Variants in GRM7 observed in about 807,000 individuals in gnomAD.
GRM7 encodes glutamate metabotropic receptor 7, also known as metabotropic glutamate receptor 7.
GRM7 carries 35 observed loss-of-function variants against 84.5 expected under a neutral mutation model. That is an observed-to-expected ratio of 0.41 (90% CI 0.32 to 0.55). GRM7 has a LOEUF of 0.55. GRM7 is among the 20% of genes least tolerant of loss of function. The pLI is 0.19. For synonymous variants in GRM7, 487 were observed against 455.1 expected (o/e 1.07, Z -0.89); for missense variants, 1,003 against 1,194.6 (o/e 0.84, Z 2.36).
At chr3:6,976,325 T>A (rs1693994647) in intron 1 of GRM7, among the ~76,000 whole-genome samples, 1 of 152,214 alleles carries the variant, frequency 6.6e-6, no homozygotes, top group African/African-American at 2.4e-5. Context: ...TCTGCAAGAT[T>A]CCAGTTCACT....
At chr3:7,598,975 T>C (rs1696180609) in intron 8 of GRM7, among the ~76,000 whole-genome samples, 5 of 152,196 alleles carry the variant, frequency 3.3e-5, no homozygotes. Context: ...TGAATCCTTT[T>C]CTTAAATCTC....
At chr3:7,094,408 C>T (rs140507169) in intron 1 of GRM7, among the ~76,000 whole-genome samples, 27 of 152,120 alleles carry the variant, frequency 1.8e-4, no homozygotes, top group African/African-American at 4.3e-4. Context: ...AGAATGAGGC[C>T]GGAACAAGGA....
intron 1 of GRM7, among the ~76,000 whole-genome samples, chr3:6,982,947 T>A (rs941716300): frequency 1.3e-5 from 2 of 152,206 alleles, no homozygotes; most frequent in African/African-American, 4.8e-5. Flanking sequence ...AGCACTCACG[T>A]TGAGAATTTT....
At chr3:7,492,621 C>A (rs78378180) in intron 7 of GRM7, among the ~76,000 whole-genome samples, 2 of 152,038 alleles carry the variant, frequency 1.3e-5, no homozygotes, top group African/African-American at 2.4e-5. Flanking sequence ...ATAATTCTAT[C>A]TATTTTATAT....
chr3:7,561,351 G>A (rs1694019732), intron 7 of GRM7: 1 of 330,886 alleles, frequency 3.0e-6, no homozygotes, highest in Non-Finnish European at 6.1e-6. Context: ...ATACTGTGAT[G>A]CTGAGATCCT....
In GRM7 at chr3:7,606,816, G is replaced by A. The variant is rs933124387; in HGVS notation, c.2451+27459G>A. ...CCCAAAGTGCTGCAATTACAGGTGT[G>A]AGCCTCCTGCACCCGGCATTGTTTT... On this transcript the variant is annotated intron_variant, in intron 8 of 9. Transcript: ENST00000357716. 11 of 152,264 alleles carry A rather than the reference G, an allele frequency of 7.2e-5. 3 individuals carry two copies. Among genetic ancestry groups the A allele is most frequent in the Admixed American group, 1.3e-4 (2 of 15,282 alleles). 9.4% of individuals were successfully genotyped at this position (152,264 alleles called of 1,614,324 possible). A position where few individuals can be genotyped will look rare whatever the true frequency, so the allele number is the denominator to read the frequency against.
chr3:7,260,868 T>C (rs532749969), intron 2 of GRM7, among the ~76,000 whole-genome samples: 16 of 152,348 alleles, frequency 1.1e-4, no homozygotes, highest in Admixed American at 9.2e-4. Context: ...GCTGTAAATT[T>C]CCCTGTTAAT....
At chr3:7,296,060 TTTACAGAGTTTAGTATTGTTATCA>T in intron 2 of GRM7, among the ~76,000 whole-genome samples, 1 of 152,004 alleles carries the variant, frequency 6.6e-6, no homozygotes. Flanking sequence ...CTAATTCTAG[TTTACAGAGTTTAGTATTGTTATCA>T]TAAATATATA....
intron 8 of GRM7, among the ~76,000 whole-genome samples, chr3:7,645,288 C>CAT (rs1698570213): frequency 6.6e-6 from 1 of 152,034 alleles, no homozygotes; most frequent in South Asian, 2.1e-4. Context: ...GTGGCTCACG[C>CAT]CTGTAATCCC....
At chr3:6,866,426 T>C (rs946907457) in intron 1 of GRM7, among the ~76,000 whole-genome samples, 2 of 152,186 alleles carry the variant, frequency 1.3e-5, no homozygotes, top group African/African-American at 4.8e-5. Flanking sequence ...TTGTCAAAAC[T>C]GTCTTTGCAT....
chr3:7,379,342 C>G (rs1045462859), intron 4 of GRM7, among the ~76,000 whole-genome samples: 3 of 152,112 alleles, frequency 2.0e-5, no homozygotes, highest in African/African-American at 7.2e-5. Context: ...CTTCAACCGC[C>G]TAGGCCTCCC....
At chr3:7,510,236 C>G (rs1700158774) in intron 7 of GRM7, among the ~76,000 whole-genome samples, 1 of 152,076 alleles carries the variant, frequency 6.6e-6, no homozygotes, top group Admixed American at 6.5e-5. Context: ...GACTTTGTCA[C>G]TTTTTCTTTT....
At chr3:7,642,970 A>G (rs1195209717) in intron 8 of GRM7, among the ~76,000 whole-genome samples, 1 of 152,172 alleles carries the variant, frequency 6.6e-6, no homozygotes. Flanking sequence ...ATGATTCAAC[A>G]CTGAGAGACA....
intron 2 of GRM7, among the ~76,000 whole-genome samples, chr3:7,285,533 G>A (rs1405639271): frequency 6.6e-6 from 1 of 152,086 alleles, no homozygotes; most frequent in African/African-American, 2.4e-5. Context: ...ATTATAAGGG[G>A]TGGTTGTCCA....
chr3:7,168,699 A>T (rs542656084), intron 2 of GRM7, among the ~76,000 whole-genome samples: 2 of 152,312 alleles, frequency 1.3e-5, no homozygotes, highest in South Asian at 2.1e-4. Flanking sequence ...ACCATACAAC[A>T]CTAACAATTT....
intron 6 of GRM7, among the ~76,000 whole-genome samples, chr3:7,454,199 A>C (rs1329764921): frequency 6.6e-6 from 1 of 151,858 alleles, no homozygotes; most frequent in Non-Finnish European, 1.5e-5. Context: ...ACCATATTTC[A>C]AGTTTTAAAC....
chr3:7,274,911 G>T (rs1698996754), intron 2 of GRM7, among the ~76,000 whole-genome samples: 1 of 151,704 alleles, frequency 6.6e-6, no homozygotes, highest in Admixed American at 6.6e-5. Context: ...TCTCCTTCTG[G>T]TATTTGCATT....
chr3:7,213,716 C>G (rs748890372), intron 2 of GRM7, among the ~76,000 whole-genome samples: 15 of 152,106 alleles, frequency 9.9e-5, no homozygotes, highest in Admixed American at 2.0e-4. Flanking sequence ...GGGTTCATCT[C>G]CAGAGCTGCC....
intron 1 of GRM7, among the ~76,000 whole-genome samples, chr3:7,101,905 G>T (rs1317388144): frequency 6.6e-6 from 1 of 150,640 alleles, no homozygotes; most frequent in African/African-American, 2.4e-5. Context: ...ATTTATCACA[G>T]TTCATTCATA....
Sources: gnomAD v4.1 joint callset for allele counts (sites outside exome capture counted in the v4.1 genomes callset) on GRCh38, gnomAD v4.1.1 for gene constraint, MANE v1.5 for transcripts, NCBI Gene and HGNC (gene_info 2026-07-23, HGNC 2026-07-21) for gene names.